PBX1: variants seen among roughly 807,000 people sequenced by gnomAD.
PBX1 encodes pre-B-cell leukemia transcription factor 1.
Under a neutral mutation model 53.4 loss-of-function variants are expected in PBX1, and 6 were observed. The ratio of observed to expected loss-of-function variants is 0.11; its 90% CI spans 0.06 to 0.22. The LOEUF (loss-of-function observed/expected upper bound fraction) is 0.22. Ranked by LOEUF, PBX1 falls within the 10% of genes least tolerant of loss-of-function variation. PBX1 has a pLI of 1.00. For synonymous variants in PBX1, 204 were observed against 212.3 expected, an observed-to-expected ratio of 0.96 and a Z score of 0.34; for missense variants, 251 against 551.4, an observed-to-expected ratio of 0.46 and a Z score of 5.46.
At chr1:164,590,198 C>T (rs1285669240) in intron 2 of PBX1, among the ~76,000 whole-genome samples, 5 of 140,398 alleles carry the variant, frequency 3.6e-5, no homozygotes, top group East Asian at 2.2e-4. Flanking sequence ...GGCAACAGAG[C>T]GAGACCCTGT....
chr1:164,565,395 TAA>T (rs770715019), intron 2 of PBX1, among the ~76,000 whole-genome samples: 9 of 150,234 alleles, frequency 6.0e-5, no homozygotes, highest in East Asian at 2.0e-4. Context: ...TTGAAAGTGA[TAA>T]GAGTCATTGC....
In PBX1 at chr1:164,776,942, G is replaced by GAGAGAGAGAGA. The variant is rs749459325; in HGVS notation, c.266-15552_266-15551insAGAGAGAGAGA. Among the ~76,000 whole-genome samples, 23 of 43,566 alleles carry GAGAGAGAGAGA rather than the reference G, an allele frequency of 5.3e-4. 2 individuals are homozygous for GAGAGAGAGAGA. The East Asian group carries it at 0.016, about 30-fold the overall frequency. The allele number at this position is 43,566 out of a possible 152,430, so 28.6% of individuals were successfully genotyped here. ...GTGTGTGTGTGTGTGTGTGGTGGGA[G>GAGAGAGAGAGA]GAGAGAGAGAGAGAGAGAGAGAGAG... On this transcript the variant is annotated intron_variant, in intron 2 of 8. Coordinates refer to ENST00000420696, the MANE Select transcript of PBX1 (RefSeq NM_002585.4).
intron 2 of PBX1, among the ~76,000 whole-genome samples, chr1:164,884,791 C>T (rs1316555547): frequency 6.6e-6 from 1 of 152,188 alleles, no homozygotes; most frequent in African/African-American, 2.4e-5. Context: ...AAGCAATAAT[C>T]TCTCTTTCTC....
In PBX1 at chr1:164,849,671, C is replaced by T. The variant is rs1234327436; in HGVS notation, c.*2995C>T. 5.1e-6 allele frequency: 2 copies of T among 393,288 alleles called. No homozygotes were observed. Among genetic ancestry groups the T allele is most frequent in the Non-Finnish European group, 9.1e-6 (2 of 218,996 alleles). The allele number at this position is 393,288 out of a possible 1,614,324, so 24.4% of individuals were successfully genotyped here. On this transcript the variant is annotated 3_prime_UTR_variant, in exon 9 of 9. Transcript: ENST00000420696. The stretch of plus-strand genomic sequence containing the variant: ...TATCTCCTCCTTTTCATCCCTAATC[C>T]ATCCTCCCTCTGGCATGGAATTGAC...
intron 3 of PBX1, 35 bp from the exon 4 acceptor site, chr1:164,799,664 C>T (rs757820886): frequency 1.3e-6 from 2 of 1,586,624 alleles, no homozygotes; most frequent in South Asian, 2.3e-5. Flanking sequence ...AGGCTTGGAC[C>T]CTCAATGACG....
In PBX1 at chr1:164,622,822, C is replaced by CTTTTTT. The variant is rs11299132; in HGVS notation, c.265+59526_265+59531dup. On this transcript the variant is annotated intron_variant, in intron 2 of 8. Transcript: ENST00000420696. Reference sequence around the variant, plus strand: ...ATACATACATACACACAGTTTCCATCTTTTTTTTTTTTTTTTTTTTGAGAC... The same window carrying CTTTTTT: ...ATACATACATACACACAGTTTCCATCTTTTTTTTTTTTTTTTTTTTTTTTTTGAGAC... 5.6e-3 allele frequency among the ~76,000 whole-genome samples: 593 copies of CTTTTTT among 106,260 alleles called. 9 individuals carry two copies. The highest frequency in any genetic ancestry group is 0.021 in the African/African-American group (564 of 27,248). 69.7% of individuals were successfully genotyped at this position (106,260 alleles called of 152,430 possible).
intron 2 of PBX1, among the ~76,000 whole-genome samples, chr1:164,649,051 C>T (rs937042989): frequency 6.6e-6 from 1 of 152,068 alleles, no homozygotes; most frequent in Admixed American, 6.5e-5. Context: ...ACTTTGTGTT[C>T]ATTCTGGACC....
At chr1:164,654,195 C>T (rs1660012602) in intron 2 of PBX1, among the ~76,000 whole-genome samples, 1 of 152,158 alleles carries the variant, frequency 6.6e-6, no homozygotes, top group Non-Finnish European at 1.5e-5. Context: ...TGTCACTCCA[C>T]TAAGATTTTT....
rs1664306117 is a variant in PBX1, at chr1:164,719,825, A to G, written c.266-72669A>G. ...CATGCATTCATTTGTTTTCTGAGGC[A>G]CACGGTCTGCTGCTGGCCCTGTGAC... On this transcript the variant is annotated intron_variant, in intron 2 of 8. Coordinates refer to ENST00000420696, the MANE Select transcript of PBX1 (RefSeq NM_002585.4). Among the ~76,000 whole-genome samples, 2 of 152,148 alleles carry G rather than the reference A, an allele frequency of 1.3e-5. 1 individual carries two copies. The highest frequency in any genetic ancestry group is 4.1e-4 in the South Asian group (2 of 4,834).
At chr1:164,609,487 C>T (rs1237618914) in intron 2 of PBX1, among the ~76,000 whole-genome samples, 4 of 152,118 alleles carry the variant, frequency 2.6e-5, no homozygotes, top group African/African-American at 7.2e-5. Context: ...ATTTTCCTGT[C>T]GCCACACCCT....
intron 2 of PBX1, chr1:164,682,059 T>C (rs1306827986): frequency 6.6e-6 from 1 of 152,226 alleles, no homozygotes; most frequent in Non-Finnish European, 1.5e-5. Flanking sequence ...TAAAAATGTA[T>C]TAATATGTCT....
intron 2 of PBX1, among the ~76,000 whole-genome samples, chr1:164,785,267 A>G (rs55865306): frequency 0.021 from 3,145 of 152,228 alleles, 121 homozygotes; most frequent in African/African-American, 0.071. Context: ...TTGATGAATA[A>G]CTCTTTAAAA....
chr1:164,714,462 G>A (rs2102084389), intron 2 of PBX1, among the ~76,000 whole-genome samples: 1 of 152,290 alleles, frequency 6.6e-6, no homozygotes, highest in Admixed American at 6.5e-5. Context: ...ACTTAGCAGG[G>A]GCTGAAGGGA....
chr1:164,664,414 C>T (rs961098404), intron 2 of PBX1, among the ~76,000 whole-genome samples: 9 of 152,184 alleles, frequency 5.9e-5, no homozygotes, highest in Admixed American at 2.6e-4. Flanking sequence ...TGGGAAGCCC[C>T]GGTACATCCT....
intron 2 of PBX1, among the ~76,000 whole-genome samples, chr1:164,603,274 A>G (rs1196636207): frequency 1.3e-5 from 2 of 151,910 alleles, no homozygotes; most frequent in East Asian, 3.9e-4. Flanking sequence ...CTTTAAGTCA[A>G]GGTTGAAATT....
chr1:164,830,265 C>T (rs1209878795), intron 8 of PBX1, among the ~76,000 whole-genome samples: 1 of 152,090 alleles, frequency 6.6e-6, no homozygotes, highest in East Asian at 1.9e-4. Flanking sequence ...ATAAAATTGG[C>T]AGGAGAGTGA....
downstream of PBX1, among the ~76,000 whole-genome samples, chr1:164,855,815 C>A (rs570306900): frequency 1.3e-5 from 2 of 152,340 alleles, no homozygotes; most frequent in South Asian, 4.1e-4. Flanking sequence ...CTGAGGGAAA[C>A]AATCCGATCT....
Position 164,881,155 on chromosome 1 carries a change from A to G in PBX1, n.258-18033A>G, listed in dbSNP as rs148851243. ...CCACCATGAGCCTAATCCTCCCGGG[A>G]GTCTGGAGAGAAGTGGGGATTTTTC... On this transcript the variant is annotated intron_variant and non_coding_transcript_variant, in intron 2 of 2. Transcript: ENST00000558796. Among the ~76,000 whole-genome samples the G allele has an allele frequency of 1.8e-3, 267 of 152,216 alleles. 1 individual carries two copies. Among genetic ancestry groups the G allele is most frequent in the African/African-American group, 6.3e-3 (261 of 41,536 alleles).
intron 2 of PBX1, among the ~76,000 whole-genome samples, chr1:164,701,498 C>G (rs1160985385): frequency 6.6e-6 from 1 of 152,200 alleles, no homozygotes; most frequent in African/African-American, 2.4e-5. Flanking sequence ...GATTCACAGG[C>G]CTTGCCCCAG....
Sources: allele counts gnomAD v4.1 joint callset (sites outside exome capture counted in the v4.1 genomes callset), GRCh38; gene constraint gnomAD v4.1.1; transcripts MANE v1.5; gene names NCBI Gene and HGNC (gene_info 2026-07-23, HGNC 2026-07-21).